The following TBCE variants were observed in gnomAD, a reference collection of about 807,000 sequenced individuals.
TBCE encodes the protein tubulin folding cofactor E.
In TBCE, 53 loss-of-function variants were observed where a neutral mutation model predicts 77.0. That is an observed-to-expected ratio of 0.69 (90% CI 0.55 to 0.87). TBCE has a LOEUF of 0.87. TBCE is among the 40% of genes least tolerant of loss of function. The pLI, the probability that TBCE is intolerant of heterozygous loss-of-function variation, is 0.00. For missense variants in TBCE, 624 were observed against 622.4 expected (o/e 1.00, Z -0.03); for synonymous variants, 235 against 241.3 (o/e 0.97, Z 0.24).
At chr1:235,427,883 A>T (rs1680819249) in intron 6 of TBCE, among the ~76,000 whole-genome samples, 1 of 152,048 alleles carries the variant, frequency 6.6e-6, no homozygotes, top group African/African-American at 2.4e-5. Flanking sequence ...ATACAAAATT[A>T]GCTGGGCGTG....
In TBCE at chr1:235,380,129, GTGT is replaced by G; in HGVS notation, c.84_86del (p.Val29del). On this transcript the variant is annotated inframe_deletion, in exon 2 of 17. Coordinates refer to ENST00000642610, the MANE Select transcript of TBCE (RefSeq NM_003193.5). Reference sequence around the variant, plus strand: ...GAACATGCAACAGTACGTTTTGCTGGTGTTGTCCCTCCCGTGGCAGGTAAGCAA... The same window carrying G: ...GAACATGCAACAGTACGTTTTGCTGGTGTCCCTCCCGTGGCAGGTAAGCAA... The G allele has an allele frequency of 6.2e-7, 1 of 1,611,368 alleles. No homozygotes were observed. The highest frequency in any genetic ancestry group is 8.5e-7 in the Non-Finnish European group (1 of 1,178,892).
intron 2 of TBCE, among the ~76,000 whole-genome samples, chr1:235,390,758 C>CA (rs35639285): frequency 0.086 from 6,114 of 71,154 alleles, 311 homozygotes; most frequent in African/African-American, 0.15. Flanking sequence ...CGAAACGTCT[C>CA]AAAAAAAAAA....
At chr1:235,439,859 T>G (rs1681725425) in intron 13 of TBCE, among the ~76,000 whole-genome samples, 1 of 152,060 alleles carries the variant, frequency 6.6e-6, no homozygotes, top group South Asian at 2.1e-4. Context: ...TGGAGTGCAG[T>G]GGCACAATCT....
chr1:235,430,793 A>C lies in TBCE; in HGVS notation c.649A>C (p.Thr217Pro). ...KVLVLNQTGI[T>P]WAEVLRCVAG... ...TTTAGTCCTCAATCAAACAGGAATAACGTGGGCTGAGGTAATCATATTTCT... is the reference window on the plus strand; with the variant it reads ...TTTAGTCCTCAATCAAACAGGAATACCGTGGGCTGAGGTAATCATATTTCT... Residue 217 changes from threonine to proline, a missense_variant, in exon 7 of 17, where the codon ACG becomes CCG. Physicochemically the swap from Thr to Pro is conservative, Grantham distance 38. Transcript: ENST00000642610. 3 of 1,613,354 alleles carry C rather than the reference A, an allele frequency of 1.9e-6. No homozygotes were observed. The highest frequency in any genetic ancestry group is 2.5e-6 in the Non-Finnish European group (3 of 1,179,428).
chr1:235,400,408 C>CTTTTT lies in TBCE; in HGVS notation c.101-1089_101-1085dup, dbSNP rs71174425. ...ATTGAAGGAAAAAATTATTTTTCCT[C>CTTTTT]TTTTTTTTTTGAGATGGAGTCTCGC... On this transcript the variant is annotated intron_variant, in intron 2 of 16. Coordinates refer to ENST00000642610, the MANE Select transcript of TBCE (RefSeq NM_003193.5). Among the ~76,000 whole-genome samples, 32 of 106,030 alleles carry CTTTTT rather than the reference C, an allele frequency of 3.0e-4. No individual in the cohort carries two copies. In the South Asian group the frequency reaches 5.3e-3, roughly 17 times the overall value. 69.6% of individuals were successfully genotyped at this position (106,030 alleles called of 152,430 possible). A position where few individuals can be genotyped will look rare whatever the true frequency, so the allele number is the denominator to read the frequency against.
intron 1 of TBCE, among the ~76,000 whole-genome samples, chr1:235,379,625 A>G (rs183951974): frequency 3.3e-5 from 5 of 151,970 alleles, no homozygotes; most frequent in Non-Finnish European, 1.5e-5. Flanking sequence ...TAGGCACTTT[A>G]AGTATACTGA....
At chr1:235,437,277 C>T (rs146746096) in intron 11 of TBCE, 45 bp from the exon 12 acceptor site, 4 of 1,613,246 alleles carry the variant, frequency 2.5e-6, no homozygotes, top group Non-Finnish European at 3.4e-6. Context: ...GCAAAAGTGG[C>T]ATGAACGTAC....
chr1:235,448,269 C>A, intron 15 of TBCE, 80 bp from the exon 16 acceptor site: 9 of 842,702 alleles, frequency 1.1e-5, no homozygotes, highest in Non-Finnish European at 1.8e-5. Context: ...TGCAATGATA[C>A]TGTGGTCTCA....
At chr1:235,401,826 C>CTTTTT (rs11285286) in intron 3 of TBCE, among the ~76,000 whole-genome samples, 36 of 88,596 alleles carry the variant, frequency 4.1e-4, no homozygotes, top group African/African-American at 9.2e-4. Context: ...TTTCTTCGTC[C>CTTTTT]TTTTTTTTTT....
chr1:235,420,343 C>T (rs1439924496), intron 5 of TBCE, among the ~76,000 whole-genome samples: 2 of 149,884 alleles, frequency 1.3e-5, no homozygotes, highest in Non-Finnish European at 3.0e-5. Context: ...GAGATGGAGT[C>T]TTGCTCTGTT....
intron 3 of TBCE, among the ~76,000 whole-genome samples, chr1:235,413,019 T>G (rs952092719): frequency 2.1e-4 from 32 of 152,092 alleles, no homozygotes; most frequent in African/African-American, 7.2e-4. Flanking sequence ...GTCAGGCTGA[T>G]CTCGAACTCC....
At chr1:235,400,184 A>G (rs1679008906) in intron 2 of TBCE, among the ~76,000 whole-genome samples, 1 of 152,026 alleles carries the variant, frequency 6.6e-6, no homozygotes, top group South Asian at 2.1e-4. Flanking sequence ...CCTAACTCAT[A>G]TGTGTGACAT....
At chr1:235,392,467 G>A (rs1284967164) in intron 2 of TBCE, among the ~76,000 whole-genome samples, 1 of 145,024 alleles carries the variant, frequency 6.9e-6, no homozygotes, top group African/African-American at 2.6e-5. Context: ...CTGGAGTGCA[G>A]TGGTGGGATC....
intron 3 of TBCE, among the ~76,000 whole-genome samples, chr1:235,410,208 C>T (rs964365118): frequency 3.9e-5 from 6 of 152,000 alleles, no homozygotes; most frequent in African/African-American, 1.4e-4. Context: ...GATCACCCCA[C>T]TGCACTCCAG....
At chr1:235,404,204 G>A (rs1375750447) in intron 3 of TBCE, among the ~76,000 whole-genome samples, 3 of 152,046 alleles carry the variant, frequency 2.0e-5, no homozygotes, top group Non-Finnish European at 4.4e-5. Context: ...TTGAACCTGG[G>A]AGGTGGAGGT....
At chr1:235,433,042 A>T in intron 7 of TBCE, 1 of 1,550,260 alleles carries the variant, frequency 6.5e-7, no homozygotes, top group South Asian at 1.2e-5. Flanking sequence ...ATGCTCCACC[A>T]GCAACTGCAT....
At position 235,437,530 on chromosome 1, in the gene TBCE, G is replaced by T. The variant is rs540020941; in HGVS notation, c.1116+56G>T. On this transcript the variant is annotated intron_variant, in intron 12 of 16. Transcript: ENST00000642610. ...TTAGACTAGAAAATAAATGATTTTA[G>T]GCCAGGCGCCGTGGCTCACACCTGT... The T allele has an allele frequency of 7.7e-5, 123 of 1,600,158 alleles. 1 individual carries two copies. The highest frequency in any genetic ancestry group is 2.8e-4 in the South Asian group (25 of 90,392).
At chr1:235,396,254 T>G (rs961698913) in intron 2 of TBCE, among the ~76,000 whole-genome samples, 11 of 151,954 alleles carry the variant, frequency 7.2e-5, no homozygotes, top group Admixed American at 6.6e-4. Flanking sequence ...GAGATGGGAT[T>G]TCACCATGTT....
chr1:235,424,421 G>A (rs1272106141), intron 5 of TBCE, among the ~76,000 whole-genome samples: 1 of 65,970 alleles, frequency 1.5e-5, no homozygotes, highest in South Asian at 3.5e-4. Context: ...TGGCACCCAG[G>A]TTCAAGGATT....
Sources: gnomAD v4.1 joint callset for allele counts (sites outside exome capture counted in the v4.1 genomes callset) on GRCh38, gnomAD v4.1.1 for gene constraint, MANE v1.5 for transcripts, NCBI Gene and HGNC (gene_info 2026-07-23, HGNC 2026-07-21) for gene names.